SORCS3: variants seen among roughly 807,000 people sequenced by gnomAD.
SORCS3 encodes the protein sortilin related VPS10 domain containing receptor 3.
In SORCS3, 57 loss-of-function variants were observed where a neutral mutation model predicts 146.3. The observed-to-expected ratio is 0.39, with a 90% CI of 0.31 to 0.49. The LOEUF is 0.49. SORCS3 is among the 20% of genes least tolerant of loss of function. The probability of loss-of-function intolerance (pLI) is 0.92; values close to 1 mark genes in which losing one functional copy is unlikely to be tolerated. For missense variants in SORCS3, 1,341 were observed against 1,575.5 expected, an observed-to-expected ratio of 0.85 and a Z score of 2.52; for synonymous variants, 653 against 618.5, an observed-to-expected ratio of 1.06 and a Z score of -0.83.
intron 2 of SORCS3, among the ~76,000 whole-genome samples, chr10:104,847,145 C>T (rs1022164494): frequency 3.9e-5 from 6 of 152,154 alleles, no homozygotes; most frequent in Admixed American, 2.0e-4. Flanking sequence ...CCTCTGCACT[C>T]GTGGATGCGC....
At chr10:104,750,627 AAGAC>A (rs1456099868) in intron 1 of SORCS3, among the ~76,000 whole-genome samples, 1 of 152,210 alleles carries the variant, frequency 6.6e-6, no homozygotes, top group Non-Finnish European at 1.5e-5. Flanking sequence ...AGTGAATACT[AAGAC>A]AGAAACAGGA....
At chr10:105,009,538 A>G (rs1378749190) in intron 4 of SORCS3, among the ~76,000 whole-genome samples, 1 of 151,258 alleles carries the variant, frequency 6.6e-6, no homozygotes, top group Non-Finnish European at 1.5e-5. Flanking sequence ...AAAAAAAAAA[A>G]AAAAAAAAAA....
chr10:104,733,401 G>T (rs1176162734), intron 1 of SORCS3, among the ~76,000 whole-genome samples: 1 of 152,040 alleles, frequency 6.6e-6, no homozygotes, highest in East Asian at 1.9e-4. Context: ...CCAGACTAGA[G>T]TACAGTGGCA....
At chr10:105,078,281 T>C (rs953734574) in intron 5 of SORCS3, among the ~76,000 whole-genome samples, 1 of 152,174 alleles carries the variant, frequency 6.6e-6, no homozygotes. Context: ...TTAACAGATA[T>C]TTAAGAAATG....
Position 104,838,918 on chromosome 10 carries a change from A to T in SORCS3, c.628-3874A>T, listed in dbSNP as rs376399450. ...CTTAGGCTCCGGCTTTATTCATGGAATGGGAGGAGCACTACCTTGGGGGTA... is the reference window on the plus strand; with the variant it reads ...CTTAGGCTCCGGCTTTATTCATGGATTGGGAGGAGCACTACCTTGGGGGTA... On this transcript the variant is annotated intron_variant, in intron 1 of 26. Coordinates refer to ENST00000369701, the MANE Select transcript of SORCS3 (RefSeq NM_014978.3). 1.4e-4 allele frequency among the ~76,000 whole-genome samples: 22 copies of T among 152,210 alleles called. No individual in the cohort carries two copies. In the East Asian group the frequency reaches 3.5e-3, roughly 24 times the overall value.
chr10:104,728,962 C>T (rs1232575413), intron 1 of SORCS3, among the ~76,000 whole-genome samples: 3 of 152,166 alleles, frequency 2.0e-5, no homozygotes, highest in Admixed American at 1.3e-4. Flanking sequence ...AGATGTCACA[C>T]TATAATGTAA....
intron 4 of SORCS3, among the ~76,000 whole-genome samples, chr10:104,982,065 T>C (rs1372822364): frequency 2.6e-5 from 4 of 152,176 alleles, no homozygotes. Flanking sequence ...GGAGTGGGCA[T>C]GCAGCTAAGG....
At chr10:104,926,109 G>T (rs2019141980) in intron 3 of SORCS3, among the ~76,000 whole-genome samples, 1 of 152,178 alleles carries the variant, frequency 6.6e-6, no homozygotes, top group South Asian at 2.1e-4. Context: ...CCTGAGCTGT[G>T]AGCTGCCTGC....
intron 1 of SORCS3, among the ~76,000 whole-genome samples, chr10:104,721,028 G>T (rs1189131231): frequency 1.3e-5 from 2 of 152,212 alleles, no homozygotes; most frequent in Non-Finnish European, 2.9e-5. Context: ...GGCTTTTGGT[G>T]TTATAGACAT....
At chr10:105,213,292 G>C (rs1040772980) in intron 17 of SORCS3, among the ~76,000 whole-genome samples, 1 of 152,162 alleles carries the variant, frequency 6.6e-6, no homozygotes, top group Non-Finnish European at 1.5e-5. Context: ...GTGGCAGGGG[G>C]TACCCAGGGA....
intron 1 of SORCS3, among the ~76,000 whole-genome samples, chr10:104,806,613 CG>C (rs1157700253): frequency 3.3e-5 from 5 of 152,178 alleles, no homozygotes; most frequent in African/African-American, 1.2e-4. Flanking sequence ...AGGGAAATAA[CG>C]TAAGTTTTGT....
chr10:104,794,622 G>GGAGAGAGAGAGAGAGAGAGAGAGAGA (rs371695559), intron 1 of SORCS3, among the ~76,000 whole-genome samples: 3 of 41,392 alleles, frequency 7.2e-5, no homozygotes, highest in East Asian at 4.2e-4. Flanking sequence ...AGAGAGGGAG[G>GGAGAGAGAGAGAGAGAGAGAGAGAGA]GAGAGAGAGA....
intron 2 of SORCS3, among the ~76,000 whole-genome samples, chr10:104,865,663 G>T (rs1014592605): frequency 6.6e-6 from 1 of 152,220 alleles, no homozygotes; most frequent in African/African-American, 2.4e-5. Flanking sequence ...AAGACAGAAA[G>T]ACAGTCAAAT....
intron 1 of SORCS3, among the ~76,000 whole-genome samples, chr10:104,749,276 A>C (rs575916620): frequency 1.3e-5 from 2 of 151,182 alleles, no homozygotes; most frequent in South Asian, 4.2e-4. Flanking sequence ...TGTAATGGTT[A>C]CAACGAAGCA....
chr10:104,675,846 C>G (rs908576307), intron 1 of SORCS3, among the ~76,000 whole-genome samples: 1 of 152,154 alleles, frequency 6.6e-6, no homozygotes, highest in African/African-American at 2.4e-5. Flanking sequence ...CTGTTTTGGA[C>G]TGTTTGTGTT....
chr10:104,913,381 T>C (rs940879099), intron 2 of SORCS3, among the ~76,000 whole-genome samples: 1 of 152,210 alleles, frequency 6.6e-6, no homozygotes, highest in African/African-American at 2.4e-5. Flanking sequence ...TGAAGAGTGA[T>C]CTGCGTTGTA....
chr10:104,852,770 T>C (rs538857271), intron 2 of SORCS3, among the ~76,000 whole-genome samples: 1 of 152,332 alleles, frequency 6.6e-6, no homozygotes, highest in African/African-American at 2.4e-5. Flanking sequence ...CCCTCCTCTT[T>C]ATAATGACGA....
chr10:104,913,248 T>C (rs1253458860), intron 2 of SORCS3, among the ~76,000 whole-genome samples: 1 of 152,024 alleles, frequency 6.6e-6, no homozygotes, highest in Non-Finnish European at 1.5e-5. Flanking sequence ...GGGAGAAGAC[T>C]GGAAGAAGAG....
chr10:105,246,704 C>CA (rs1479629421), intron 21 of SORCS3, among the ~76,000 whole-genome samples: 2 of 152,190 alleles, frequency 1.3e-5, no homozygotes, highest in African/African-American at 4.8e-5. Context: ...GTGCAGGGCA[C>CA]AAGTGTTTAG....
Sources: gnomAD v4.1 joint callset for allele counts (sites outside exome capture counted in the v4.1 genomes callset) on GRCh38, gnomAD v4.1.1 for gene constraint, MANE v1.5 for transcripts, NCBI Gene and HGNC (gene_info 2026-07-23, HGNC 2026-07-21) for gene names.